Variants in PKHD1 observed in about 807,000 individuals in gnomAD.
The protein encoded by PKHD1 is PKHD1 ciliary IPT domain containing fibrocystin/polyductin.
In PKHD1, 291 loss-of-function variants were observed where a neutral mutation model predicts 412.0. The ratio of observed to expected loss-of-function variants is 0.71; its 90% CI spans 0.64 to 0.78. The LOEUF is 0.78. Ranked by LOEUF, PKHD1 falls within the 30% of genes least tolerant of loss-of-function variation. PKHD1 has a pLI of 0.00. For synonymous variants in PKHD1, 1,777 were observed against 1,821.5 expected (o/e 0.98, Z 0.62); for missense variants, 4,825 against 4,950.7 (o/e 0.97, Z 0.76).
chr6:51,836,346 A>G, intron 51 of PKHD1, 58 bp downstream of exon 51: 1 of 1,115,476 alleles, frequency 9.0e-7, no homozygotes, highest in Non-Finnish European at 1.4e-6. Flanking sequence ...GAATTTGTAG[A>G]ACTACTGGAG....
At chr6:51,896,196 G>T (rs1015927133) in intron 43 of PKHD1, among the ~76,000 whole-genome samples, 8 of 151,756 alleles carry the variant, frequency 5.3e-5, no homozygotes, top group Non-Finnish European at 7.4e-5. Context: ...TGCCTCTGTA[G>T]GCTCCACCTC....
At chr6:51,954,015 T>C (rs1790758355) in intron 36 of PKHD1, among the ~76,000 whole-genome samples, 1 of 152,128 alleles carries the variant, frequency 6.6e-6, no homozygotes, top group Admixed American at 6.6e-5. Flanking sequence ...ATTACCCAGC[T>C]AATTCTTTCA....
chr6:51,883,496 AAAAT>A (rs999202346), intron 45 of PKHD1, among the ~76,000 whole-genome samples: 5 of 152,210 alleles, frequency 3.3e-5, no homozygotes, highest in Non-Finnish European at 4.4e-5. Flanking sequence ...CCACATATCT[AAAAT>A]AAACTTGGAG....
At chr6:51,827,347 C>G (rs1238715406) in intron 52 of PKHD1, among the ~76,000 whole-genome samples, 2 of 152,032 alleles carry the variant, frequency 1.3e-5, no homozygotes, top group African/African-American at 4.8e-5. Context: ...AAACTCTATG[C>G]GTTGGTCATG....
chr6:51,950,801 T>G (rs1242649718), intron 36 of PKHD1, among the ~76,000 whole-genome samples: 1 of 152,124 alleles, frequency 6.6e-6, no homozygotes, highest in Non-Finnish European at 1.5e-5. Context: ...TCAACCAACA[T>G]TTACCACTAG....
chr6:51,956,703 T>C (rs1270306430), intron 36 of PKHD1, among the ~76,000 whole-genome samples: 1 of 152,076 alleles, frequency 6.6e-6, no homozygotes, highest in Non-Finnish European at 1.5e-5. Flanking sequence ...TTAGAAATGA[T>C]GGCCAGCAAG....
chr6:51,945,311 C>T (rs373715424), intron 36 of PKHD1, among the ~76,000 whole-genome samples: 1 of 152,298 alleles, frequency 6.6e-6, no homozygotes, highest in Middle Eastern at 3.4e-3. Context: ...ATCAAGGTTC[C>T]TGTCCTGAGT....
chr6:52,086,975 C>T (rs1446307269), intron 1 of PKHD1, among the ~76,000 whole-genome samples: 1 of 152,116 alleles, frequency 6.6e-6, no homozygotes, highest in Non-Finnish European at 1.5e-5. Flanking sequence ...AATCTGGCTA[C>T]GTGATTTTAA....
At chr6:51,900,762 A>G (rs1421493534) in intron 43 of PKHD1, among the ~76,000 whole-genome samples, 1 of 151,786 alleles carries the variant, frequency 6.6e-6, no homozygotes, top group East Asian at 1.9e-4. Flanking sequence ...AAATTTTCAC[A>G]ACCTACTCAT....
At chr6:51,682,154 G>T (rs1776761959) in intron 60 of PKHD1, 1 of 449,172 alleles carries the variant, frequency 2.2e-6, no homozygotes. Flanking sequence ...ATTCTTAGAT[G>T]CATCTTTTCC....
intron 48 of PKHD1, among the ~76,000 whole-genome samples, chr6:51,866,939 G>T (rs992987271): frequency 3.3e-5 from 5 of 152,088 alleles, no homozygotes; most frequent in African/African-American, 1.2e-4. Context: ...AAGCAAAAAT[G>T]AAAAATTTCC....
Position 51,615,386 on chromosome 6 carries a change from T to A in PKHD1, c.*3695A>T, listed in dbSNP as rs1326975694. The A allele has an allele frequency of 6.6e-6, 1 of 152,200 alleles. No individual in the cohort carries two copies. Among genetic ancestry groups the A allele is most frequent in the Non-Finnish European group, 1.5e-5 (1 of 68,028 alleles). The allele number at this position is 152,200 out of a possible 1,614,324, so 9.4% of individuals were successfully genotyped here. The stretch of plus-strand genomic sequence containing the variant: ...GTTTTATTTCTTTTTGAAAATTACC[T>A]TGTAGAAATGTGACTTTTCTATCAA... On this transcript the variant is annotated 3_prime_UTR_variant, in exon 67 of 67. Transcript: ENST00000371117.
intron 57 of PKHD1, among the ~76,000 whole-genome samples, 200 bp downstream of exon 57, chr6:51,753,001 C>T (rs1020169826): frequency 2.6e-5 from 4 of 152,088 alleles, no homozygotes; most frequent in South Asian, 2.1e-4. Flanking sequence ...ATGTGCTGAC[C>T]ACTAGTATAT....
chr6:51,781,187 G>T (rs2151193460), intron 53 of PKHD1, among the ~76,000 whole-genome samples: 1 of 152,204 alleles, frequency 6.6e-6, no homozygotes, highest in East Asian at 1.9e-4. Context: ...GTAAATTGCA[G>T]CACATATTTT....
chr6:52,041,941 G>C (rs1252439502), intron 27 of PKHD1, among the ~76,000 whole-genome samples: 1 of 152,162 alleles, frequency 6.6e-6, no homozygotes, highest in African/African-American at 2.4e-5. Context: ...AGCTGAAGAA[G>C]GTATGTGTGG....
At chr6:51,821,040 T>C (rs1562386865) in intron 52 of PKHD1, among the ~76,000 whole-genome samples, 1 of 152,226 alleles carries the variant, frequency 6.6e-6, no homozygotes, top group Non-Finnish European at 1.5e-5. Context: ...CTTGCTTGGC[T>C]TGTACTTCCC....
chr6:51,699,285 T>C (rs1370857666), intron 60 of PKHD1, among the ~76,000 whole-genome samples: 1 of 152,196 alleles, frequency 6.6e-6, no homozygotes, highest in African/African-American at 2.4e-5. Context: ...GTCTTTTTAC[T>C]GTCTCTATAG....
chr6:51,801,037 C>T (rs1453093771), intron 52 of PKHD1, among the ~76,000 whole-genome samples: 1 of 152,112 alleles, frequency 6.6e-6, no homozygotes, highest in Non-Finnish European at 1.5e-5. Context: ...CTATTTGAAT[C>T]ACTATTAAAT....
intron 35 of PKHD1, among the ~76,000 whole-genome samples, chr6:51,971,622 C>A (rs1350576226): frequency 2.0e-5 from 3 of 152,154 alleles, no homozygotes; most frequent in Non-Finnish European, 4.4e-5. Flanking sequence ...GAAATGAAAA[C>A]TTTCTGATCC....
Sources: allele counts gnomAD v4.1 joint callset (sites outside exome capture counted in the v4.1 genomes callset), GRCh38; gene constraint gnomAD v4.1.1; transcripts MANE v1.5; gene names NCBI Gene and HGNC (gene_info 2026-07-23, HGNC 2026-07-21).